JPH3: variants seen among roughly 807,000 people sequenced by gnomAD.
The protein encoded by JPH3 is junctophilin 3.
A neutral mutation model predicts 59.6 loss-of-function variants in JPH3; 11 were observed. The observed-to-expected ratio is 0.18, with a 90% CI of 0.12 to 0.31. The LOEUF (loss-of-function observed/expected upper bound fraction) is 0.31, where lower values mean the gene tolerates loss of function less well. Ranked by LOEUF, JPH3 falls within the 10% of genes least tolerant of loss-of-function variation. JPH3 has a pLI of 1.00. For missense variants in JPH3, 1,202 were observed against 1,105.7 expected (o/e 1.09, Z -1.24); for synonymous variants, 673 against 483.6 (o/e 1.39, Z -5.14).
intron 1 of JPH3, among the ~76,000 whole-genome samples, chr16:87,610,235 C>T (rs747844650): frequency 6.6e-6 from 1 of 152,204 alleles, no homozygotes; most frequent in Non-Finnish European, 1.5e-5. Flanking sequence ...ACTCGCCACT[C>T]ACCTCCTGCT....
At chr16:87,618,444 T>C (rs2031053227) in intron 1 of JPH3, among the ~76,000 whole-genome samples, 2 of 152,222 alleles carry the variant, frequency 1.3e-5, no homozygotes, top group Non-Finnish European at 1.5e-5. Flanking sequence ...CCTTAGGCCA[T>C]TGGCCATCGT....
At chr16:87,648,494 G>C (rs1300894232) in intron 2 of JPH3, among the ~76,000 whole-genome samples, 1 of 152,160 alleles carries the variant, frequency 6.6e-6, no homozygotes, top group South Asian at 2.1e-4. Flanking sequence ...TTGTCAGGCC[G>C]CGTGAAGTGA....
intron 4 of JPH3, among the ~76,000 whole-genome samples, chr16:87,692,230 C>T (rs576781339): frequency 1.3e-5 from 2 of 151,818 alleles, no homozygotes; most frequent in African/African-American, 2.4e-5. Flanking sequence ...TCTCCCTCCC[C>T]ACAGCTTTGG....
At chr16:87,635,201 C>T (rs113769348) in intron 1 of JPH3, among the ~76,000 whole-genome samples, 13 of 152,144 alleles carry the variant, frequency 8.5e-5, no homozygotes, top group African/African-American at 2.9e-4. Flanking sequence ...GTTCACCTTG[C>T]CCCACCCTGG....
At position 87,689,812 on chromosome 16, in the gene JPH3, C is replaced by A; in HGVS notation, c.1452C>A (p.Pro484=). ...DSPLQSFPTS[P]AATPPPAPAA... is the part of the protein sequence containing the mutation. ...CCCTGCAGAGCTTCCCCACCAGCCC[C>A]GCGGCCACCCCGCCGCCCGCGCCCG... Residue 484 remains proline (P), a synonymous_variant, in exon 4 of 5, where the codon CCC becomes CCA. Transcript: ENST00000284262. 1 of 1,581,986 alleles carries A rather than the reference C, an allele frequency of 6.3e-7. No homozygotes were observed. The highest frequency in any genetic ancestry group is 8.6e-7 in the Non-Finnish European group (1 of 1,164,532).
At chr16:87,627,643 T>G (rs1203710362) in intron 1 of JPH3, among the ~76,000 whole-genome samples, 1 of 149,656 alleles carries the variant, frequency 6.7e-6, no homozygotes, top group Non-Finnish European at 1.5e-5. Context: ...TGTGCTCCTT[T>G]GCAGCTTGGA....
intron 4 of JPH3, among the ~76,000 whole-genome samples, chr16:87,692,206 T>TGTCTCCCTCCCCGTCTCCCTCCCC (rs57826471): frequency 0.11 from 16,630 of 151,330 alleles, 950 homozygotes; most frequent in Middle Eastern, 0.2. Context: ...TTTCCCTCCC[T>TGTCTCCCTCCCCGTCTCCCTCCCC]GTCTCCCTCC....
intron 4 of JPH3, among the ~76,000 whole-genome samples, chr16:87,690,853 GC>G (rs1362393177): frequency 6.6e-6 from 1 of 152,250 alleles, no homozygotes; most frequent in Non-Finnish European, 1.5e-5. Context: ...AAGAGTCTGT[GC>G]CCCTGGTCAG....
intron 1 of JPH3, among the ~76,000 whole-genome samples, chr16:87,636,740 C>G (rs184510311): frequency 6.6e-6 from 1 of 152,190 alleles, no homozygotes; most frequent in Middle Eastern, 3.2e-3. Context: ...GTTGCAAACA[C>G]GGGGCAGGAA....
intron 1 of JPH3, among the ~76,000 whole-genome samples, chr16:87,636,444 G>C (rs773257707): frequency 2.0e-5 from 3 of 152,188 alleles, no homozygotes; most frequent in Admixed American, 6.5e-5. Context: ...CCGTCACAGT[G>C]GCTGTCGCTT....
chr16:87,638,347 T>G (rs1022641688), intron 1 of JPH3, among the ~76,000 whole-genome samples: 3 of 152,172 alleles, frequency 2.0e-5, no homozygotes, highest in Non-Finnish European at 4.4e-5. Context: ...CCTTTGCTGG[T>G]GAACAGACAC....
At chr16:87,650,098 C>T (rs1303305455) in intron 2 of JPH3, among the ~76,000 whole-genome samples, 2 of 152,220 alleles carry the variant, frequency 1.3e-5, no homozygotes, top group Non-Finnish European at 2.9e-5. Context: ...TGTTTTTACA[C>T]ATTGGAGGTT....
At chr16:87,696,440 C>T (rs2033858609) in intron 4 of JPH3, 140 bp from the exon 5 acceptor site, 5 of 701,464 alleles carry the variant, frequency 7.1e-6, no homozygotes, top group Non-Finnish European at 1.2e-5. Context: ...CTTTGGTGTC[C>T]AAGCGTTTCT....
At chr16:87,657,910 G>C (rs1047123811) in intron 2 of JPH3, among the ~76,000 whole-genome samples, 3 of 152,360 alleles carry the variant, frequency 2.0e-5, no homozygotes, top group African/African-American at 7.2e-5. Flanking sequence ...TGCTGTGGGA[G>C]AGGAGGAGCT....
chr16:87,603,308 C>G lies in JPH3; in HGVS notation c.162C>G (p.Thr54=), dbSNP rs1048101888. 6.2e-7 allele frequency: 1 copy of G among 1,613,240 alleles called. No individual in the cohort carries two copies. The change falls in exon 1 of 5, where the codon ACC becomes ACG. Residue 54 remains threonine, a synonymous_variant. Transcript: ENST00000284262. ...GCTTCGAGGTGCTGGGCGTCTACAC[C>G]TGGCCCAGCGGCAACACGTACCAGG... ...SHGFEVLGVY[T]WPSGNTYQGT... is the part of the protein sequence containing the mutation.
chr16:87,633,338 C>G (rs1567590214), intron 1 of JPH3, among the ~76,000 whole-genome samples: 2 of 149,806 alleles, frequency 1.3e-5, no homozygotes, highest in Non-Finnish European at 3.0e-5. Flanking sequence ...TTATCTATCT[C>G]CAAACAAGGT....
chr16:87,695,935 G>C (rs996424214), intron 4 of JPH3: 8 of 455,958 alleles, frequency 1.8e-5, no homozygotes, highest in African/African-American at 8.0e-5. Flanking sequence ...CTGAGGACTT[G>C]TGAGCCACTT....
intron 3 of JPH3, among the ~76,000 whole-genome samples, chr16:87,687,994 C>G (rs2033459730): frequency 6.6e-6 from 1 of 152,196 alleles, no homozygotes; most frequent in African/African-American, 2.4e-5. Flanking sequence ...CTGATGGGGC[C>G]AGGGCTGCCC....
Position 87,622,957 on chromosome 16 carries a change from G to T in JPH3, c.382+19429G>T, listed in dbSNP as rs993539189. Among the ~76,000 whole-genome samples, 3 of 152,144 alleles carry T rather than the reference G, an allele frequency of 2.0e-5. No homozygotes were observed. In the East Asian group the frequency reaches 5.8e-4, roughly 29 times the overall value. Reference sequence around the variant, plus strand: ...CAGAGGACTTGCCTTCTCTGCGATGGCCGCTACTACCTGGGTCCCACAGGG... The same window carrying T: ...CAGAGGACTTGCCTTCTCTGCGATGTCCGCTACTACCTGGGTCCCACAGGG... On this transcript the variant is annotated intron_variant, in intron 1 of 4. Coordinates refer to ENST00000284262, the MANE Select transcript of JPH3 (RefSeq NM_020655.4).
Sources: allele counts gnomAD v4.1 joint callset (sites outside exome capture counted in the v4.1 genomes callset), GRCh38; gene constraint gnomAD v4.1.1; transcripts MANE v1.5; gene names NCBI Gene and HGNC (gene_info 2026-07-23, HGNC 2026-07-21).